Variants in COL23A1 observed in about 807,000 individuals in gnomAD.
COL23A1 encodes collagen alpha-1(XXIII) chain.
COL23A1 carries 97 observed loss-of-function variants against 99.3 expected under a neutral mutation model. The ratio of observed to expected loss-of-function variants is 0.98; its 90% CI spans 0.83 to 1.16. The LOEUF is 1.16. Ranked by LOEUF, COL23A1 falls within the 50% of genes most tolerant of loss-of-function variation. The probability of loss-of-function intolerance (pLI) is 0.00; values close to 1 mark genes in which losing one functional copy is unlikely to be tolerated. For missense variants in COL23A1, 762 were observed against 757.4 expected, an observed-to-expected ratio of 1.01 and a Z score of -0.07; for synonymous variants, 320 against 308.2, an observed-to-expected ratio of 1.04 and a Z score of -0.40.
intron 3 of COL23A1, among the ~76,000 whole-genome samples, chr5:178,292,230 C>G (rs1456548354): frequency 1.1e-5 from 1 of 93,184 alleles, no homozygotes; most frequent in Non-Finnish European, 2.9e-5. Context: ...TGTGCCCGCA[C>G]CTGCCCCTGC....
chr5:178,441,631 C>A (rs910355290), intron 2 of COL23A1, among the ~76,000 whole-genome samples: 19 of 152,084 alleles, frequency 1.2e-4, no homozygotes, highest in Admixed American at 9.8e-4. Context: ...CCCATTTCAC[C>A]CTGATGTTTG....
intron 5 of COL23A1, among the ~76,000 whole-genome samples, chr5:178,286,294 G>T (rs1012689377): frequency 3.3e-5 from 5 of 152,248 alleles, no homozygotes; most frequent in South Asian, 2.1e-4. Context: ...CAGAGGAAGT[G>T]GGGGGGCTTG....
chr5:178,503,400 G>C lies in COL23A1; in HGVS notation c.361+57282C>G, dbSNP rs188021740. On this transcript the variant is annotated intron_variant, in intron 2 of 28. Coordinates refer to ENST00000390654, the MANE Select transcript of COL23A1 (RefSeq NM_173465.4). ...AAAGACAAAGACAGTCTGTGAAAAT[G>C]CTCCTACAGATTTAGGCAGTGCTGA... Among the ~76,000 whole-genome samples the C allele has an allele frequency of 2.6e-5, 4 of 152,288 alleles. No individual in the cohort carries two copies. The East Asian group carries it at 7.7e-4, about 29-fold the overall frequency.
At chr5:178,421,285 A>G (rs1260876750) in intron 2 of COL23A1, among the ~76,000 whole-genome samples, 1 of 152,188 alleles carries the variant, frequency 6.6e-6, no homozygotes, top group African/African-American at 2.4e-5. Context: ...CTGGGCAGAC[A>G]CTGGACTTGG....
Position 178,544,573 on chromosome 5 carries a change from C to T in COL23A1, c.361+16109G>A, listed in dbSNP as rs1234078797. The stretch of plus-strand genomic sequence containing the variant: ...CAGAGGTACAGCTAGGAAGCATGTC[C>T]CTCCTGGGTACAGCTGACATGTGAG... On this transcript the variant is annotated intron_variant, in intron 2 of 28. Transcript: ENST00000390654. This position sits in a 1 kb window ranked among gnomAD's most constrained non-coding sequence, Gnocchi z 4.4. 1.3e-5 allele frequency among the ~76,000 whole-genome samples: 2 copies of T among 152,188 alleles called. No homozygotes were observed. The highest frequency in any genetic ancestry group is 3.8e-4 in the East Asian group (2 of 5,198).
At chr5:178,577,559 C>T (rs964383893) in intron 1 of COL23A1, among the ~76,000 whole-genome samples, 9 of 152,186 alleles carry the variant, frequency 5.9e-5, no homozygotes, top group African/African-American at 1.9e-4. Context: ...GCGCGCGGGG[C>T]CTGGGGAGGA....
intron 2 of COL23A1, among the ~76,000 whole-genome samples, chr5:178,513,825 G>C (rs530912888): frequency 7.9e-4 from 120 of 152,086 alleles, no homozygotes; most frequent in African/African-American, 2.8e-3. Context: ...CTCAGGGTGT[G>C]TCTCCTGCCT....
chr5:178,557,919 G>A (rs1762366254), intron 2 of COL23A1, among the ~76,000 whole-genome samples: 1 of 151,982 alleles, frequency 6.6e-6, no homozygotes, highest in Admixed American at 6.5e-5. Context: ...CATGGACAGG[G>A]GTGTGCTGAG....
intron 2 of COL23A1, among the ~76,000 whole-genome samples, chr5:178,418,592 T>C (rs936141056): frequency 1.3e-5 from 2 of 152,228 alleles, no homozygotes; most frequent in African/African-American, 2.4e-5. Context: ...CCACTGGTGC[T>C]TGGGTGCCAG....
chr5:178,326,823 A>C (rs937506617), intron 2 of COL23A1, among the ~76,000 whole-genome samples: 6 of 152,246 alleles, frequency 3.9e-5, no homozygotes, highest in South Asian at 4.2e-4. Context: ...GGGTTCAAGC[A>C]ATTCTCCTGC....
At chr5:178,483,122 A>G (rs1293952033) in intron 2 of COL23A1, among the ~76,000 whole-genome samples, 1 of 152,164 alleles carries the variant, frequency 6.6e-6, no homozygotes, top group African/African-American at 2.4e-5. Context: ...TGTTATGTAC[A>G]TTGTGCCAAA....
chr5:178,421,937 G>GT (rs200578188), intron 2 of COL23A1, among the ~76,000 whole-genome samples: 2,100 of 152,290 alleles, frequency 0.014, 44 homozygotes, highest in African/African-American at 0.045. Context: ...AGAACGCCGG[G>GT]GGGTGGAGTG....
intron 3 of COL23A1, among the ~76,000 whole-genome samples, chr5:178,292,618 C>T (rs1757520688): frequency 6.6e-6 from 1 of 152,076 alleles, no homozygotes; most frequent in Non-Finnish European, 1.5e-5. Context: ...GGGGTAGAAC[C>T]TGGAGGCTAC....
chr5:178,253,770 C>T (rs1437097856), intron 16 of COL23A1, among the ~76,000 whole-genome samples: 3 of 152,050 alleles, frequency 2.0e-5, no homozygotes, highest in Admixed American at 6.5e-5. Flanking sequence ...CGGGAGCCGC[C>T]GCGCCCGGCC....
chr5:178,583,314 G>C (rs914021360), intron 1 of COL23A1, among the ~76,000 whole-genome samples: 13 of 152,200 alleles, frequency 8.5e-5, no homozygotes, highest in African/African-American at 3.1e-4. Flanking sequence ...CTAGAACACA[G>C]CTCCAGCTTA....
intron 2 of COL23A1, among the ~76,000 whole-genome samples, chr5:178,498,225 T>TAAAAGA (rs1758309993): frequency 2.0e-5 from 1 of 50,090 alleles, no homozygotes; most frequent in Non-Finnish European, 3.3e-5. Flanking sequence ...TATATATATA[T>TAAAAGA]ATATATATAT....
intron 3 of COL23A1, among the ~76,000 whole-genome samples, chr5:178,294,597 T>C (rs1042394677): frequency 4.6e-5 from 7 of 152,098 alleles, no homozygotes; most frequent in African/African-American, 1.2e-4. Flanking sequence ...CCACTAGTTA[T>C]CACAAAAAAA....
At chr5:178,332,203 GTCACCCTCTCCACACCTGGATGCTT>G (rs1381066984) in intron 2 of COL23A1, among the ~76,000 whole-genome samples, 16 of 152,132 alleles carry the variant, frequency 1.1e-4, no homozygotes, top group African/African-American at 3.9e-4. Context: ...GCAGCTTTTG[GTCACCCTCTCCACACCTGGATGCTT>G]TCCACAGCGC....
At chr5:178,413,993 T>A (rs1008299122) in intron 2 of COL23A1, among the ~76,000 whole-genome samples, 1 of 152,154 alleles carries the variant, frequency 6.6e-6, no homozygotes, top group Non-Finnish European at 1.5e-5. Context: ...GCCCCAAGCA[T>A]GAAGTCCAAG....
Sources: gnomAD v4.1 joint callset for allele counts (sites outside exome capture counted in the v4.1 genomes callset) on GRCh38, gnomAD v4.1.1 for gene constraint, Gnocchi (gnomAD v3.1) non-coding constraint, MANE v1.5 for transcripts, NCBI Gene and HGNC (gene_info 2026-07-23, HGNC 2026-07-21) for gene names.